CYB5A: variants seen among roughly 807,000 people sequenced by gnomAD.
CYB5A encodes the protein cytochrome b5.
CYB5A carries 10 observed loss-of-function variants against 16.2 expected under a neutral mutation model. The observed-to-expected ratio is 0.62, with a 90% CI of 0.38 to 1.04. The LOEUF is 1.04. Ranked by LOEUF, CYB5A falls within the 50% of genes least tolerant of loss-of-function variation. The probability of loss-of-function intolerance (pLI) is 0.01; values close to 1 mark genes in which losing one functional copy is unlikely to be tolerated. For synonymous variants in CYB5A, 62 were observed against 57.0 expected (o/e 1.09, Z -0.40); for missense variants, 161 against 165.9 (o/e 0.97, Z 0.16).
rs372834951 is a variant in CYB5A, at chr18:74,288,936, G to T, written c.129+2811C>A. On this transcript the variant is annotated intron_variant, in intron 1 of 4. Transcript: ENST00000340533. ...GAGGTCAGACACAATCCAGTGAAAGGCTAAGTGGCCTTGCTTGTTCCCAGA... is the reference window on the plus strand; with the variant it reads ...GAGGTCAGACACAATCCAGTGAAAGTCTAAGTGGCCTTGCTTGTTCCCAGA... 1.2e-4 allele frequency among the ~76,000 whole-genome samples: 19 copies of T among 152,316 alleles called. No homozygotes were observed. The East Asian group carries it at 3.5e-3, about 28-fold the overall frequency.
chr18:74,273,257 C>CCT (rs1230706458), intron 1 of CYB5A, among the ~76,000 whole-genome samples: 1 of 152,146 alleles, frequency 6.6e-6, no homozygotes, highest in East Asian at 1.9e-4. Context: ...TAAGGTCACC[C>CCT]CTCTGCCCAA....
At chr18:74,264,092 T>C (rs564992287) in intron 1 of CYB5A, among the ~76,000 whole-genome samples, 21 of 151,962 alleles carry the variant, frequency 1.4e-4, no homozygotes, top group African/African-American at 5.1e-4. Context: ...GCACCTGTAG[T>C]CCCAGCTATT....
At chr18:74,265,760 C>T (rs1982409609) in intron 1 of CYB5A, among the ~76,000 whole-genome samples, 1 of 152,236 alleles carries the variant, frequency 6.6e-6, no homozygotes, top group Non-Finnish European at 1.5e-5. Flanking sequence ...CCACACATCT[C>T]ATGGCGAGAG....
chr18:74,285,834 AC>A (rs1983296419), intron 1 of CYB5A, among the ~76,000 whole-genome samples: 1 of 128,296 alleles, frequency 7.8e-6, no homozygotes, highest in African/African-American at 3.2e-5. Flanking sequence ...ACACAGCAAG[AC>A]CCCATCTCAA....
intron 1 of CYB5A, among the ~76,000 whole-genome samples, chr18:74,270,516 T>C (rs1187499059): frequency 6.6e-6 from 1 of 152,176 alleles, no homozygotes; most frequent in African/African-American, 2.4e-5. Flanking sequence ...TACTTGTCAC[T>C]ACCTACAATT....
chr18:74,290,943 C>T lies in CYB5A; in HGVS notation c.129+804G>A, dbSNP rs1845410070. 3 of 153,318 alleles carry T rather than the reference C, an allele frequency of 2.0e-5. No homozygotes were observed. In the South Asian group the frequency reaches 6.1e-4, roughly 31 times the overall value. 9.5% of individuals were successfully genotyped at this position (153,318 alleles called of 1,614,324 possible). A position where few individuals can be genotyped will look rare whatever the true frequency, so the allele number is the denominator to read the frequency against. ...CAGAACGTCCGCTGCTCTGCCTGGC[C>T]TCTGTGTTCTTGCTCCAGCCACACA... On this transcript the variant is annotated intron_variant, in intron 1 of 4. Transcript: ENST00000340533.
chr18:74,276,544 A>ACACG (rs1170099025), intron 1 of CYB5A, among the ~76,000 whole-genome samples: 1 of 151,544 alleles, frequency 6.6e-6, no homozygotes. Flanking sequence ...ACACACACAC[A>ACACG]CACACACACA....
Position 74,252,739 on chromosome 18 carries a change from T to C in CYB5A, c.*845A>G, listed in dbSNP as rs1981814525. On this transcript the variant is annotated 3_prime_UTR_variant, in exon 5 of 5. Transcript: ENST00000340533. ...TTTTTTTTGAGACAGAGTTTCACTC[T>C]TGTTGCCCAGCTGGAGTTCAACGGC... The C allele has an allele frequency of 6.6e-6, 1 of 152,224 alleles. No individual in the cohort carries two copies. Among genetic ancestry groups the C allele is most frequent in the Non-Finnish European group, 1.5e-5 (1 of 68,074 alleles). 9.4% of individuals were successfully genotyped at this position (152,224 alleles called of 1,614,324 possible). A position where few individuals can be genotyped will look rare whatever the true frequency, so the allele number is the denominator to read the frequency against.
chr18:74,273,072 T>G (rs1430533416), intron 1 of CYB5A, among the ~76,000 whole-genome samples: 1 of 152,202 alleles, frequency 6.6e-6, no homozygotes, highest in African/African-American at 2.4e-5. Flanking sequence ...TGAGGATTTA[T>G]CAAGGTCAAC....
chr18:74,253,572 C>T lies in CYB5A; in HGVS notation c.*12G>A. 6.3e-7 allele frequency: 1 copy of T among 1,599,182 alleles called. No individual in the cohort carries two copies. Among genetic ancestry groups the T allele is most frequent in the East Asian group, 2.2e-5 (1 of 44,742 alleles). On this transcript the variant is annotated 3_prime_UTR_variant, in exon 5 of 5. Transcript: ENST00000340533. ...AAGCAGGCTCTTCCTGCGCTGACTTCTGAGGAGGTGTTCAGTCCTCTGCCA... is the reference window on the plus strand; with the variant it reads ...AAGCAGGCTCTTCCTGCGCTGACTTTTGAGGAGGTGTTCAGTCCTCTGCCA...
chr18:74,269,711 A>T (rs933034957), intron 1 of CYB5A, among the ~76,000 whole-genome samples: 1 of 152,070 alleles, frequency 6.6e-6, no homozygotes, highest in Non-Finnish European at 1.5e-5. Flanking sequence ...CATCTATTCC[A>T]TCAGCCAATC....
At chr18:74,284,139 G>A (rs1241814416) in intron 1 of CYB5A, among the ~76,000 whole-genome samples, 1 of 149,250 alleles carries the variant, frequency 6.7e-6, no homozygotes, top group Non-Finnish European at 1.5e-5. Flanking sequence ...GCTGAGGCAA[G>A]AGAATCGCTT....
chr18:74,276,982 C>A (rs1982907363), intron 1 of CYB5A, among the ~76,000 whole-genome samples: 1 of 152,182 alleles, frequency 6.6e-6, no homozygotes, highest in African/African-American at 2.4e-5. Context: ...TCCATCCATT[C>A]TGGAGTTTTA....
chr18:74,275,059 G>A (rs1349409104), intron 1 of CYB5A, among the ~76,000 whole-genome samples: 3 of 152,112 alleles, frequency 2.0e-5, no homozygotes, highest in East Asian at 1.9e-4. Context: ...AAAAACCTAC[G>A]GTGGAGAATT....
chr18:74,285,647 T>A (rs776349637), intron 1 of CYB5A, among the ~76,000 whole-genome samples: 5 of 151,986 alleles, frequency 3.3e-5, no homozygotes, highest in Non-Finnish European at 7.4e-5. Flanking sequence ...GCAGATCACT[T>A]GAGCCTAGGA....
At chr18:74,258,681 A>G (rs1982082178) in intron 3 of CYB5A, 3 of 152,232 alleles carry the variant, frequency 2.0e-5, no homozygotes, top group Admixed American at 2.0e-4. Flanking sequence ...AAAAATGCTC[A>G]TGTATTTCCT....
chr18:74,288,470 G>A (rs1051371471), intron 1 of CYB5A, among the ~76,000 whole-genome samples: 8 of 152,222 alleles, frequency 5.3e-5, no homozygotes, highest in African/African-American at 1.7e-4. Flanking sequence ...TAAATTAGGT[G>A]AGATAAAATA....
intron 3 of CYB5A, chr18:74,256,896 A>C (rs1448507976): frequency 6.4e-7 from 1 of 1,573,068 alleles, no homozygotes. Flanking sequence ...TAAAAATAAA[A>C]TTGCAAATTT....
chr18:74,281,743 C>CTGTGTG (rs112934460), intron 1 of CYB5A, among the ~76,000 whole-genome samples: 4,454 of 138,816 alleles, frequency 0.032, 251 homozygotes, highest in African/African-American at 0.12. Context: ...TCAAGGGAGG[C>CTGTGTG]TGTGTGTGTG....
Sources: gnomAD v4.1 joint callset for allele counts (sites outside exome capture counted in the v4.1 genomes callset) on GRCh38, gnomAD v4.1.1 for gene constraint, MANE v1.5 for transcripts, NCBI Gene and HGNC (gene_info 2026-07-23, HGNC 2026-07-21) for gene names.